The following CUEDC1 variants were observed in gnomAD, a reference collection of about 807,000 sequenced individuals.
CUEDC1 encodes the protein CUE domain-containing protein 1.
Under a neutral mutation model 43.7 loss-of-function variants are expected in CUEDC1, and 30 were observed. The ratio of observed to expected loss-of-function variants is 0.69; its 90% CI spans 0.51 to 0.93. The LOEUF (loss-of-function observed/expected upper bound fraction) is 0.93, where lower values mean the gene tolerates loss of function less well. CUEDC1 is among the 40% of genes least tolerant of loss of function. The pLI, the probability that CUEDC1 is intolerant of heterozygous loss-of-function variation, is 0.00. For synonymous variants in CUEDC1, 223 were observed against 223.6 expected (o/e 1.00, Z 0.02); for missense variants, 486 against 549.0 (o/e 0.89, Z 1.15).
At chr17:57,943,374 A>T (rs1183391675) in intron 1 of CUEDC1, among the ~76,000 whole-genome samples, 1 of 152,302 alleles carries the variant, frequency 6.6e-6, no homozygotes, top group East Asian at 1.9e-4. Flanking sequence ...AGGATGATTC[A>T]TTCTCTTATT....
Position 57,868,150 on chromosome 17 carries a change from G to A in CUEDC1, c.1034C>T (p.Ser345Leu), listed in dbSNP as rs145424515. The A allele has an allele frequency of 1.4e-5, 23 of 1,612,832 alleles. No individual in the cohort carries two copies. The highest frequency in any genetic ancestry group is 1.6e-4 in the Middle Eastern group (1 of 6,084). Residue 345 changes from serine (S) to leucine (L), a missense_variant and splice_region_variant, in exon 8 of 11, where the codon TCG becomes TTG. Coordinates refer to ENST00000577830, the MANE Select transcript of CUEDC1 (RefSeq NM_001271875.2). The stretch of plus-strand genomic sequence containing the variant: ...ACCAGTGCCAGGCTGGAAAGGATAC[G>A]ACTGATGCTTCAACAAGTGTTTCCT... ...SKRKHLLKHQ[S>L]LGAAASTANL...
At chr17:57,872,062 C>T (rs1055936776) in intron 5 of CUEDC1, among the ~76,000 whole-genome samples, 1 of 152,258 alleles carries the variant, frequency 6.6e-6, no homozygotes, top group Non-Finnish European at 1.5e-5. Context: ...CAGTTACACA[C>T]ACAAGCTCTC....
chr17:57,868,498 C>G lies in CUEDC1; in HGVS notation c.941-255G>C, dbSNP rs1163502300. On this transcript the variant is annotated intron_variant, in intron 7 of 10. Coordinates refer to ENST00000577830, the MANE Select transcript of CUEDC1 (RefSeq NM_001271875.2). Reference sequence around the variant, plus strand: ...GACACCCTGAGCCAGGCCCAGGGACCGCAGGCGGCTCAAGATCCAAGTATT... The same window carrying G: ...GACACCCTGAGCCAGGCCCAGGGACGGCAGGCGGCTCAAGATCCAAGTATT... The G allele has an allele frequency of 1.9e-5, 10 of 522,634 alleles. No homozygotes were observed. The African/African-American group carries it at 1.9e-4, about 10-fold the overall frequency. 32.4% of individuals were successfully genotyped at this position (522,634 alleles called of 1,614,324 possible).
intron 2 of CUEDC1, among the ~76,000 whole-genome samples, chr17:57,881,814 G>C (rs1170324407): frequency 6.6e-6 from 1 of 152,166 alleles, no homozygotes; most frequent in South Asian, 2.1e-4. Flanking sequence ...CAGCCTCCCA[G>C]GGCAGCAAGA....
chr17:57,889,066 G>T (rs547455902), intron 1 of CUEDC1, among the ~76,000 whole-genome samples: 1 of 152,170 alleles, frequency 6.6e-6, no homozygotes, highest in Non-Finnish European at 1.5e-5. Flanking sequence ...TAGGGAACAC[G>T]CACCAGTTCA....
intron 1 of CUEDC1, among the ~76,000 whole-genome samples, chr17:57,903,712 G>A (rs1368317164): frequency 1.3e-5 from 2 of 152,070 alleles, no homozygotes; most frequent in Non-Finnish European, 2.9e-5. Flanking sequence ...GCTGAGATGA[G>A]AGGACCACTT....
chr17:57,913,910 T>C (rs1249143947), intron 1 of CUEDC1, among the ~76,000 whole-genome samples: 2 of 152,214 alleles, frequency 1.3e-5, no homozygotes, highest in Non-Finnish European at 2.9e-5. Flanking sequence ...ATTCAGGTTG[T>C]AGATCTCCTC....
chr17:57,931,164 C>T (rs7221872), intron 1 of CUEDC1, among the ~76,000 whole-genome samples: 40,586 of 151,892 alleles, frequency 0.27, 6,425 homozygotes, highest in African/African-American at 0.44. Context: ...TGGCACACAC[C>T]TATAATCTCA....
chr17:57,938,277 C>T (rs111334068), intron 1 of CUEDC1, among the ~76,000 whole-genome samples: 3 of 152,312 alleles, frequency 2.0e-5, no homozygotes, highest in South Asian at 4.1e-4. Flanking sequence ...GATAAATACA[C>T]GTTTACTCTC....
chr17:57,949,919 T>C (rs1430603752), intron 1 of CUEDC1, among the ~76,000 whole-genome samples: 2 of 152,184 alleles, frequency 1.3e-5, no homozygotes, highest in Non-Finnish European at 2.9e-5. Context: ...ATTCAAATCC[T>C]GGCTCTGCCA....
Position 57,872,657 on chromosome 17 carries a change from G to A in CUEDC1, c.784+6C>T, listed in dbSNP as rs1568029211. 3.7e-6 allele frequency: 6 copies of A among 1,613,360 alleles called. No homozygotes were observed. In the Admixed American group the frequency reaches 6.7e-5, roughly 18 times the overall value. On this transcript the variant is annotated splice_donor_region_variant and intron_variant, in intron 5 of 10. Coordinates refer to ENST00000577830, the MANE Select transcript of CUEDC1 (RefSeq NM_001271875.2). ...CCAGGGAGAAGTGGCTGCAGGCGCT[G>A]CCCACCTCTCTCCAGAGCGAGGAGG...
intron 1 of CUEDC1, among the ~76,000 whole-genome samples, chr17:57,894,788 G>A (rs965166555): frequency 2.0e-5 from 3 of 152,208 alleles, no homozygotes; most frequent in Non-Finnish European, 4.4e-5. Flanking sequence ...GGGCAGGGAC[G>A]AGGGCAAGAG....
At chr17:57,864,864 G>T (rs1416832030) in intron 10 of CUEDC1, among the ~76,000 whole-genome samples, 7 of 152,116 alleles carry the variant, frequency 4.6e-5, no homozygotes, top group Non-Finnish European at 1.0e-4. Flanking sequence ...AACCAGCCTG[G>T]CCACATGGCA....
intron 1 of CUEDC1, among the ~76,000 whole-genome samples, chr17:57,926,610 T>C (rs2074749743): frequency 6.6e-6 from 1 of 152,086 alleles, no homozygotes; most frequent in African/African-American, 2.4e-5. Flanking sequence ...CTGGACAACA[T>C]AGCAAGACCC....
At chr17:57,934,880 G>A (rs567111296) in intron 1 of CUEDC1, among the ~76,000 whole-genome samples, 101 of 151,996 alleles carry the variant, frequency 6.6e-4, no homozygotes, top group African/African-American at 2.4e-3. Flanking sequence ...GCTAATTTTT[G>A]TATTTTTAAT....
intron 1 of CUEDC1, among the ~76,000 whole-genome samples, chr17:57,893,501 T>C (rs1419228918): frequency 6.6e-6 from 1 of 152,246 alleles, no homozygotes; most frequent in Non-Finnish European, 1.5e-5. Context: ...CTCCTGCTCC[T>C]GCCCAAGGCT....
intron 1 of CUEDC1, among the ~76,000 whole-genome samples, chr17:57,940,340 T>C (rs2074906048): frequency 6.6e-6 from 1 of 151,790 alleles, no homozygotes; most frequent in East Asian, 1.9e-4. Context: ...AAATTCAAAA[T>C]CCTCTCCTTT....
chr17:57,899,341 G>C (rs528460351), intron 1 of CUEDC1, among the ~76,000 whole-genome samples: 1 of 152,104 alleles, frequency 6.6e-6, no homozygotes, highest in Non-Finnish European at 1.5e-5. Context: ...GCACAGTCAG[G>C]GGCGCCCAGA....
intron 1 of CUEDC1, 121 bp from the exon 2 acceptor site, chr17:57,886,000 C>T (rs1376947471): frequency 6.4e-6 from 1 of 157,440 alleles, no homozygotes; most frequent in Non-Finnish European, 1.4e-5. Context: ...GCAAGGGAGG[C>T]TTGCTTCTTC....
Sources: gnomAD v4.1 joint callset for allele counts (sites outside exome capture counted in the v4.1 genomes callset) on GRCh38, gnomAD v4.1.1 for gene constraint, MANE v1.5 for transcripts, NCBI Gene and HGNC (gene_info 2026-07-23, HGNC 2026-07-21) for gene names.